The following ROPN1B variants were observed in gnomAD, a reference collection of about 807,000 sequenced individuals.
ROPN1B encodes the protein rhophilin associated tail protein 1B.
In ROPN1B, 13 loss-of-function variants were observed where a neutral mutation model predicts 23.7. The observed-to-expected ratio is 0.55, with a 90% confidence interval of 0.36 to 0.87. ROPN1B has a LOEUF of 0.87. ROPN1B is among the 40% of genes least tolerant of loss of function. ROPN1B has a pLI of 0.01. For synonymous variants in ROPN1B, 67 were observed against 100.4 expected, an observed-to-expected ratio of 0.67 and a Z score of 1.99; for missense variants, 183 against 249.2, an observed-to-expected ratio of 0.73 and a Z score of 1.79.
chr3:125,979,355 A>AAATT (rs1339834701), intron 5 of ROPN1B, among the ~76,000 whole-genome samples: 1 of 152,142 alleles, frequency 6.6e-6, no homozygotes, highest in African/African-American at 2.4e-5. Flanking sequence ...TGTCCTCCCA[A>AAATT]AATTCATATA....
Position 125,983,393 on chromosome 3 carries a change from C to T in ROPN1B, c.*73C>T. The T allele has an allele frequency of 3.0e-6, 3 of 1,002,046 alleles. No individual in the cohort carries two copies. The highest frequency in any genetic ancestry group is 4.8e-6 in the Non-Finnish European group (3 of 629,388). The allele number at this position is 1,002,046 out of a possible 1,614,324, so 62.1% of individuals were successfully genotyped here. A position where few individuals can be genotyped will look rare whatever the true frequency, so the allele number is the denominator to read the frequency against. ...TTCAGAATGATAAACCCATATACCA[C>T]CTAAAATCAATTTTCTTGTACAACT... On this transcript the variant is annotated 3_prime_UTR_variant, in exon 7 of 7. Transcript: ENST00000514116.
intron 5 of ROPN1B, chr3:125,977,681 T>C (rs1270375664): frequency 1.7e-5 from 3 of 174,386 alleles, no homozygotes; most frequent in Admixed American, 5.4e-5. Context: ...TACAGGATGT[T>C]CATACAGATT....
chr3:125,980,208 T>C (rs910015984), intron 5 of ROPN1B, among the ~76,000 whole-genome samples: 23 of 152,236 alleles, frequency 1.5e-4, no homozygotes, highest in African/African-American at 4.8e-4. Flanking sequence ...CAAATAGCTC[T>C]AGTACAGTTA....
chr3:125,979,768 T>C (rs978149832), intron 5 of ROPN1B, among the ~76,000 whole-genome samples: 1 of 152,226 alleles, frequency 6.6e-6, no homozygotes, highest in Non-Finnish European at 1.5e-5. Flanking sequence ...GATCTCTGTG[T>C]CATCTAGAAA....
chr3:125,975,593 G>A lies in ROPN1B; in HGVS notation c.147G>A (p.Thr49=), dbSNP rs368373364. The part of the protein sequence containing the change: ...DYFEALSRGE[T]PPVRERSERV... ...TTGAGGCCCTGTCCCGTGGAGAGAC[G>A]CCTCCGGTGAGAGAGCGGTCTGAGC... Residue 49 remains threonine (T), a synonymous_variant, in exon 4 of 7, where the codon ACG becomes ACA. Coordinates refer to ENST00000514116, the MANE Select transcript of ROPN1B (RefSeq NM_001308313.2). 351 of 1,613,928 alleles carry A rather than the reference G, an allele frequency of 2.2e-4. 1 individual carries two copies. Among genetic ancestry groups the A allele is most frequent in the Non-Finnish European group, 2.8e-4 (325 of 1,179,966 alleles).
chr3:125,972,777 A>C, intron 3 of ROPN1B: 1 of 360,744 alleles, frequency 2.8e-6, no homozygotes, highest in Non-Finnish European at 5.5e-6. Context: ...TTCTGCCAAC[A>C]TAATGATGTC....
Position 125,980,965 on chromosome 3 carries a change from A to G in ROPN1B, c.397-1305A>G, listed in dbSNP as rs112069940. On this transcript the variant is annotated intron_variant, in intron 5 of 6. Coordinates refer to ENST00000514116, the MANE Select transcript of ROPN1B (RefSeq NM_001308313.2). ...TGCCTAGAAGATGCAGTGTTTCACA[A>G]TGATTTCCATGATAGGACCCCCAGG... Among the ~76,000 whole-genome samples, 317 of 152,288 alleles carry G rather than the reference A, an allele frequency of 2.1e-3. 1 individual carries two copies. Among genetic ancestry groups the G allele is most frequent in the African/African-American group, 7.1e-3 (293 of 41,554 alleles).
At chr3:125,970,482 T>C (rs1032124113) in intron 1 of ROPN1B, among the ~76,000 whole-genome samples, 13 of 152,182 alleles carry the variant, frequency 8.5e-5, no homozygotes, top group Non-Finnish European at 1.6e-4. Flanking sequence ...AACAAGACTA[T>C]ACAGTCTATT....
chr3:125,975,163 A>T (rs1174731322), intron 3 of ROPN1B, among the ~76,000 whole-genome samples: 1 of 152,064 alleles, frequency 6.6e-6, no homozygotes, highest in Non-Finnish European at 1.5e-5. Flanking sequence ...TTTCTTACGT[A>T]CATTACTTTT....
At chr3:125,979,091 A>G (rs767856880) in intron 5 of ROPN1B, among the ~76,000 whole-genome samples, 6 of 152,092 alleles carry the variant, frequency 3.9e-5, no homozygotes, top group Non-Finnish European at 7.4e-5. Context: ...GCTTCCTCTG[A>G]GACACCCTCA....
At chr3:125,972,531 C>A (rs981314101) in intron 3 of ROPN1B, 103 of 481,586 alleles carry the variant, frequency 2.1e-4, no homozygotes, top group Middle Eastern at 1.0e-3. Flanking sequence ...GGAATCTCCG[C>A]AGCTTAATCT....
Position 125,982,273 on chromosome 3 carries a change from A to G in ROPN1B, c.400A>G (p.Ile134Val), listed in dbSNP as rs1938634633. ...ALACSALGVTITKTLKIVCEV... is the reference protein window; with the variant it reads ...ALACSALGVTVTKTLKIVCEV... Reference sequence around the variant, plus strand: ...TCATTTTATGTAACTTTTATAGACTATTACCAAAACTCTCAAGATAGTGTG... The same window carrying G: ...TCATTTTATGTAACTTTTATAGACTGTTACCAAAACTCTCAAGATAGTGTG... The change falls in exon 6 of 7, where the codon ATT becomes GTT. Residue 134 changes from isoleucine to valine, a missense_variant. Coordinates refer to ENST00000514116, the MANE Select transcript of ROPN1B (RefSeq NM_001308313.2). 1 of 1,604,396 alleles carries G rather than the reference A, an allele frequency of 6.2e-7. No homozygotes were observed. Among genetic ancestry groups the G allele is most frequent in the African/African-American group, 1.3e-5 (1 of 74,534 alleles).
chr3:125,977,069 A>AACAG lies in ROPN1B; in HGVS notation c.302_305dup (p.Leu103ArgfsTer4), dbSNP rs1433440132. On this transcript the variant is annotated frameshift_variant, in exon 5 of 7. Coordinates refer to ENST00000514116, the MANE Select transcript of ROPN1B (RefSeq NM_001308313.2). LOFTEE classifies it high-confidence loss of function. ...AGATGTGGAAAGTGGTGAATCTCCC[A>AACAG]ACAGATCTGTTTAATAGTGTGATGA... 2.8e-5 allele frequency: 27 copies of AACAG among 961,218 alleles called. No individual in the cohort carries two copies. Among genetic ancestry groups the AACAG allele is most frequent in the Non-Finnish European group, 4.2e-5 (25 of 600,814 alleles). 59.5% of individuals were successfully genotyped at this position (961,218 alleles called of 1,614,324 possible).
chr3:125,976,352 C>T (rs1938412587), intron 4 of ROPN1B, among the ~76,000 whole-genome samples: 1 of 152,236 alleles, frequency 6.6e-6, no homozygotes, highest in Non-Finnish European at 1.5e-5. Context: ...TGGAGCACTT[C>T]ATCGGGCATC....
At chr3:125,979,218 T>G (rs2107606330) in intron 5 of ROPN1B, among the ~76,000 whole-genome samples, 1 of 152,104 alleles carries the variant, frequency 6.6e-6, no homozygotes, top group African/African-American at 2.4e-5. Context: ...AGCCTGGAGG[T>G]TAAGTCTGTA....
intron 5 of ROPN1B, among the ~76,000 whole-genome samples, chr3:125,981,070 T>G (rs1262361331): frequency 6.6e-6 from 1 of 152,170 alleles, no homozygotes; most frequent in East Asian, 1.9e-4. Flanking sequence ...AGATTCTGTT[T>G]CATAAAATAA....
At chr3:125,983,011 G>T (rs1368323144) in intron 6 of ROPN1B, among the ~76,000 whole-genome samples, 1 of 152,144 alleles carries the variant, frequency 6.6e-6, no homozygotes, top group Admixed American at 6.6e-5. Context: ...GGGCGTGGTG[G>T]TGTGTGTCTG....
intron 4 of ROPN1B, 42 bp downstream of exon 4, chr3:125,975,722 T>C (rs1408383054): frequency 6.4e-7 from 1 of 1,553,322 alleles, no homozygotes; most frequent in Admixed American, 1.8e-5. Flanking sequence ...GTAGGGACAG[T>C]GTTGAGGCTG....
chr3:125,982,604 G>C (rs1325761475), intron 6 of ROPN1B, among the ~76,000 whole-genome samples, 159 bp downstream of exon 6: 1 of 152,126 alleles, frequency 6.6e-6, no homozygotes, highest in Non-Finnish European at 1.5e-5. Context: ...AAGGAGAAGA[G>C]GAAGGAAAAG....
Sources: allele counts gnomAD v4.1 joint callset (sites outside exome capture counted in the v4.1 genomes callset), GRCh38; gene constraint gnomAD v4.1.1; transcripts MANE v1.5; gene names NCBI Gene and HGNC (gene_info 2026-07-23, HGNC 2026-07-21).